Variants in MID1 observed in about 807,000 individuals in gnomAD.
MID1 encodes midline 1.
A neutral mutation model predicts 40.4 loss-of-function variants in MID1; 7 were observed. That is an observed-to-expected ratio of 0.17 (90% confidence interval 0.10 to 0.33). The LOEUF (loss-of-function observed/expected upper bound fraction) is 0.33, where lower values mean the gene tolerates loss of function less well. Among genes scored for constraint, MID1 ranks in the 10% least tolerant of loss-of-function variants. The pLI is 1.00. For missense variants in MID1, 367 were observed against 558.5 expected, an observed-to-expected ratio of 0.66 and a Z score of 3.46; for synonymous variants, 229 against 221.2, an observed-to-expected ratio of 1.04 and a Z score of -0.31.
Position 10,446,784 on chromosome X carries a change from G to A in MID1, c.*2584C>T, listed in dbSNP as rs910839881. ...GCTTAGGGCCCTTCTGAACTCCTGG[G>A]CTCTGGGCATACCCATGACACCAGA... On this transcript the variant is annotated 3_prime_UTR_variant, in exon 10 of 10. Coordinates refer to ENST00000317552, the MANE Select transcript of MID1 (RefSeq NM_000381.4). The A allele has an allele frequency of 6.3e-5, 7 of 111,811 alleles. No individual in the cohort carries two copies. Among genetic ancestry groups the A allele is most frequent in the African/African-American group, 2.3e-4 (7 of 30,576 alleles). The allele number at this position is 111,811 out of a possible 1,213,427, so 9.2% of individuals were successfully genotyped here.
At chrX:10,592,196 A>C (rs1051497811) in intron 1 of MID1, among the ~76,000 whole-genome samples, 1 of 104,342 alleles carries the variant, frequency 9.6e-6, no homozygotes, top group Non-Finnish European at 2.0e-5. Context: ...CATTAAAAAA[A>C]GTTCCTCAAA....
At chrX:10,465,311 A>G (rs1929327700) in intron 7 of MID1, among the ~76,000 whole-genome samples, 1 of 104,899 alleles carries the variant, frequency 9.5e-6, no homozygotes, top group Non-Finnish European at 2.0e-5. Context: ...CAGGAGAGAC[A>G]TAACCATCTG....
At chrX:10,618,942 C>T (rs998393915) in intron 1 of MID1, among the ~76,000 whole-genome samples, 1 of 112,082 alleles carries the variant, frequency 8.9e-6, no homozygotes, top group Admixed American at 9.4e-5. Flanking sequence ...TTTCCTCATC[C>T]CACTTTAGTA....
chrX:10,720,402 A>G (rs1283961702), intron 1 of MID1, among the ~76,000 whole-genome samples: 71 of 112,258 alleles, frequency 6.3e-4, no homozygotes, highest in Admixed American at 6.3e-3. Context: ...ATGAACAGAC[A>G]CTTCTCAAAG....
intron 1 of MID1, among the ~76,000 whole-genome samples, chrX:10,779,310 A>G (rs966365648): frequency 1.8e-5 from 2 of 111,573 alleles, no homozygotes; most frequent in Non-Finnish European, 3.8e-5. Flanking sequence ...CTTCCCGAGT[A>G]GCTGGGACTA....
intron 3 of MID1, among the ~76,000 whole-genome samples, chrX:10,517,608 C>T (rs1334452196): frequency 8.9e-6 from 1 of 112,465 alleles, no homozygotes; most frequent in Non-Finnish European, 1.9e-5. Flanking sequence ...ACACGAAAGC[C>T]TTTCCAGCTC....
At chrX:10,767,563 C>T (rs2043739554) in intron 1 of MID1, among the ~76,000 whole-genome samples, 1 of 111,764 alleles carries the variant, frequency 8.9e-6, no homozygotes, top group Admixed American at 9.5e-5. Context: ...TCGTGATCCA[C>T]CCGCCTCGGC....
At chrX:10,555,724 T>C (rs1934093767) in intron 2 of MID1, among the ~76,000 whole-genome samples, 1 of 111,391 alleles carries the variant, frequency 9.0e-6, no homozygotes, top group African/African-American at 3.3e-5. Context: ...GATTTCCATA[T>C]TGTTTCAGTA....
intron 2 of MID1, among the ~76,000 whole-genome samples, chrX:10,544,347 A>T: frequency 8.9e-6 from 1 of 111,833 alleles, no homozygotes. Context: ...GAAAAAAAAA[A>T]GTGAAATGTG....
chrX:10,824,665 T>C (rs776854386), intron 1 of MID1, among the ~76,000 whole-genome samples: 37 of 112,435 alleles, frequency 3.3e-4, no homozygotes, highest in African/African-American at 1.1e-3. Context: ...TTTTAAAAAA[T>C]TGCACTTCTG....
intron 1 of MID1, among the ~76,000 whole-genome samples, chrX:10,642,446 C>T (rs1207222782): frequency 9.1e-6 from 1 of 109,717 alleles, no homozygotes; most frequent in Non-Finnish European, 1.9e-5. Flanking sequence ...CCTAGGAATC[C>T]AACTTACAAG....
intron 1 of MID1, among the ~76,000 whole-genome samples, chrX:10,706,586 T>C (rs926138773): frequency 2.7e-5 from 3 of 111,422 alleles, no homozygotes; most frequent in African/African-American, 9.8e-5. Flanking sequence ...AGGATGTGTT[T>C]GCTTCCCTTT....
chrX:10,810,018 T>G (rs1271674198), intron 1 of MID1, among the ~76,000 whole-genome samples: 1 of 111,832 alleles, frequency 8.9e-6, no homozygotes, highest in Non-Finnish European at 1.9e-5. Context: ...GGTAAAATAT[T>G]CATAACGTAA....
chrX:10,536,402 C>T (rs771250380), intron 2 of MID1, among the ~76,000 whole-genome samples: 1 of 112,810 alleles, frequency 8.9e-6, no homozygotes, highest in Non-Finnish European at 1.9e-5. Flanking sequence ...TTATACATGA[C>T]TAAAGACAAT....
chrX:10,496,071 T>TC (rs1227937669), intron 3 of MID1, among the ~76,000 whole-genome samples: 3 of 110,060 alleles, frequency 2.7e-5, no homozygotes, highest in African/African-American at 1.0e-4. Context: ...AAAAAGTAAG[T>TC]TAAAAAAAAT....
At chrX:10,639,719 C>A (rs772383272) in intron 1 of MID1, among the ~76,000 whole-genome samples, 2 of 111,284 alleles carry the variant, frequency 1.8e-5, no homozygotes, top group South Asian at 7.7e-4. Flanking sequence ...TTGTCAGATT[C>A]ACCATGGTCG....
intron 1 of MID1, among the ~76,000 whole-genome samples, chrX:10,615,198 G>A (rs530859720): frequency 3.0e-4 from 33 of 111,430 alleles, no homozygotes; most frequent in Middle Eastern, 9.2e-3. Context: ...AGATATTAAT[G>A]AGCATCCATT....
At chrX:10,579,896 C>CAATGAA (rs1934965161) in intron 1 of MID1, among the ~76,000 whole-genome samples, 1 of 108,308 alleles carries the variant, frequency 9.2e-6, no homozygotes, top group South Asian at 4.2e-4. Context: ...GGGAACATGG[C>CAATGAA]AATGAAAAGG....
intron 4 of MID1, among the ~76,000 whole-genome samples, chrX:10,495,136 G>A (rs993045119): frequency 1.8e-5 from 2 of 111,812 alleles, no homozygotes; most frequent in African/African-American, 6.5e-5. Context: ...AGTTATACCT[G>A]TATACATTTC....
Sources: allele counts gnomAD v4.1 joint callset (sites outside exome capture counted in the v4.1 genomes callset), GRCh38; gene constraint gnomAD v4.1.1; transcripts MANE v1.5; gene names NCBI Gene and HGNC (gene_info 2026-07-23, HGNC 2026-07-21).